GLB1: variants seen among roughly 807,000 people sequenced by gnomAD.
GLB1 encodes galactosidase beta 1, also known as beta-galactosidase.
GLB1 carries 56 observed loss-of-function variants against 74.0 expected under a neutral mutation model. The ratio of observed to expected loss-of-function variants is 0.76; its 90% CI spans 0.61 to 0.94. The LOEUF is 0.94. Among genes scored for constraint, GLB1 ranks in the 40% least tolerant of loss-of-function variants. The pLI, the probability that GLB1 is intolerant of heterozygous loss-of-function variation, is 0.00. For missense variants in GLB1, 787 were observed against 845.5 expected (o/e 0.93, Z 0.86); for synonymous variants, 323 against 323.6 (o/e 1.00, Z 0.02).
intron 14 of GLB1, among the ~76,000 whole-genome samples, chr3:33,015,219 C>T (rs528207585): frequency 5.9e-5 from 9 of 152,060 alleles, no homozygotes; most frequent in South Asian, 2.1e-4. Context: ...CATCCCACTG[C>T]GGATGGAGCA....
At chr3:33,014,645 C>T (rs985047756) in intron 14 of GLB1, among the ~76,000 whole-genome samples, 6 of 152,122 alleles carry the variant, frequency 3.9e-5, no homozygotes, top group African/African-American at 1.4e-4. Context: ...TGGCTGAGAG[C>T]CACTGCTAGA....
chr3:33,082,651 G>A (rs1042281441), intron 1 of GLB1, among the ~76,000 whole-genome samples: 14 of 152,178 alleles, frequency 9.2e-5, no homozygotes, highest in African/African-American at 2.4e-5. Flanking sequence ...TTTGGTTTGC[G>A]ATTAATGTTC....
At chr3:33,051,392 T>G (rs1469512437) in intron 9 of GLB1, among the ~76,000 whole-genome samples, 1 of 146,994 alleles carries the variant, frequency 6.8e-6, no homozygotes, top group Non-Finnish European at 1.5e-5. Flanking sequence ...AGGTCAAGAG[T>G]TCAAGACCAG....
rs370087217 is a variant in GLB1, at chr3:33,094,164, G to A, written c.75+2847C>T. 4.9e-5 allele frequency: 79 copies of A among 1,610,682 alleles called. 1 individual carries two copies. Among genetic ancestry groups the A allele is most frequent in the Non-Finnish European group, 6.1e-5 (72 of 1,177,422 alleles). On this transcript the variant is annotated intron_variant, in intron 1 of 15. Coordinates refer to ENST00000307363, the MANE Select transcript of GLB1 (RefSeq NM_000404.4). ...AGTGACAGCAGCCAGGGTGGCCTTC[G>A]CGCCTAGGGACAGCTGCCTGAAGAT...
chr3:33,019,563 A>G (rs1316937232), intron 12 of GLB1, among the ~76,000 whole-genome samples: 1 of 152,192 alleles, frequency 6.6e-6, no homozygotes, highest in Admixed American at 6.5e-5. Context: ...TGAGGAGAGC[A>G]CTAATCCACC....
At chr3:33,088,208 G>A (rs1700604573) in intron 1 of GLB1, among the ~76,000 whole-genome samples, 1 of 152,124 alleles carries the variant, frequency 6.6e-6, no homozygotes, top group African/African-American at 2.4e-5. Context: ...CAGGAAAAAG[G>A]CAAGATGTCT....
At chr3:33,068,593 G>A (rs1468367188) in intron 3 of GLB1, among the ~76,000 whole-genome samples, 1 of 152,146 alleles carries the variant, frequency 6.6e-6, no homozygotes, top group East Asian at 1.9e-4. Flanking sequence ...GCTTCTTACA[G>A]ATGAGCAAGC....
chr3:33,093,787 C>T lies in GLB1; in HGVS notation c.75+3224G>A, dbSNP rs756608133. ...AAGAGCTGGTAGGCCTGCTCCATGC[C>T]GCTGAGGATGAAGAGGAAGAAGAGC... On this transcript the variant is annotated intron_variant, in intron 1 of 15. Coordinates refer to ENST00000307363, the MANE Select transcript of GLB1 (RefSeq NM_000404.4). The surrounding 1 kb of genome is among the most constrained non-coding windows in gnomAD (Gnocchi z 6.0). 14 of 1,613,312 alleles carry T rather than the reference C, an allele frequency of 8.7e-6. No homozygotes were observed. Among genetic ancestry groups the T allele is most frequent in the Non-Finnish European group, 1.1e-5 (13 of 1,179,658 alleles).
chr3:33,048,049 T>C (rs1233730395), intron 9 of GLB1, among the ~76,000 whole-genome samples: 1 of 152,096 alleles, frequency 6.6e-6, no homozygotes, highest in Non-Finnish European at 1.5e-5. Flanking sequence ...CTGTGCTGTG[T>C]TTCTTATTTG....
intron 10 of GLB1, chr3:33,030,397 C>G (rs1375394905): frequency 1.4e-6 from 1 of 708,712 alleles, no homozygotes; most frequent in Non-Finnish European, 1.7e-6. Context: ...GAGACCAGTA[C>G]TACAAGAGAG....
the GLB1 span, among the ~76,000 whole-genome samples, chr3:32,977,757 G>A: frequency 2.0e-5 from 3 of 152,246 alleles, no homozygotes; most frequent in East Asian, 1.9e-4. Context: ...TAAGCTAAGC[G>A]CCATAGAGAG....
intron 5 of GLB1, among the ~76,000 whole-genome samples, chr3:33,060,973 A>G (rs1202549081): frequency 2.6e-5 from 4 of 152,014 alleles, no homozygotes; most frequent in African/African-American, 9.7e-5. Flanking sequence ...CTATGTTACT[A>G]CCAATTAGGA....
chr3:33,004,942 A>T (rs916309921), intron 15 of GLB1, among the ~76,000 whole-genome samples: 2 of 152,210 alleles, frequency 1.3e-5, no homozygotes, highest in Non-Finnish European at 2.9e-5. Flanking sequence ...CTGTGAGGAC[A>T]ATCCCCAAAA....
intron 1 of GLB1, among the ~76,000 whole-genome samples, chr3:33,087,333 G>C (rs1370456849): frequency 6.6e-6 from 1 of 152,146 alleles, no homozygotes; most frequent in Non-Finnish European, 1.5e-5. Flanking sequence ...ACTTTGGGAG[G>C]GGGAAGCGGC....
At chr3:32,972,820 C>A in the GLB1 span, among the ~76,000 whole-genome samples, 1 of 152,134 alleles carries the variant, frequency 6.6e-6, no homozygotes, top group East Asian at 1.9e-4. Flanking sequence ...AACCCAATTC[C>A]CCCTAAGAAA....
intron 5 of GLB1, 58 bp downstream of exon 5, chr3:33,065,405 T>C: frequency 6.5e-7 from 1 of 1,541,680 alleles, no homozygotes; most frequent in Non-Finnish European, 8.8e-7. Context: ...ATCATTTATG[T>C]AATGTAGATG....
intron 1 of GLB1, among the ~76,000 whole-genome samples, chr3:33,073,268 A>G (rs970342373): frequency 6.6e-6 from 1 of 152,212 alleles, no homozygotes; most frequent in East Asian, 1.9e-4. Flanking sequence ...CTCTTCATCC[A>G]TAACTATCCA....
rs2125585650 is a variant in GLB1 at position 33,093,514 on chromosome 3, T to C, written c.75+3497A>G. On this transcript the variant is annotated intron_variant, in intron 1 of 15. Coordinates refer to ENST00000307363, the MANE Select transcript of GLB1 (RefSeq NM_000404.4). The surrounding 1 kb of genome is among the most constrained non-coding windows in gnomAD (Gnocchi z 6.0). ...AGCACATTCACCATCCTCACAAACA[T>C]TTCCATCTTGGTCCTGCCCACTGTG... 6.2e-7 allele frequency: 1 copy of C among 1,614,202 alleles called. No individual in the cohort carries two copies. Among genetic ancestry groups the C allele is most frequent in the Non-Finnish European group, 8.5e-7 (1 of 1,180,040 alleles).
At chr3:32,972,618 C>T in the GLB1 span, among the ~76,000 whole-genome samples, 7 of 152,160 alleles carry the variant, frequency 4.6e-5, no homozygotes, top group Non-Finnish European at 7.3e-5. Context: ...GACACACTAC[C>T]GTGCAGTTGA....
Sources: gnomAD v4.1 joint callset for allele counts (sites outside exome capture counted in the v4.1 genomes callset) on GRCh38, gnomAD v4.1.1 for gene constraint, Gnocchi (gnomAD v3.1) non-coding constraint, MANE v1.5 for transcripts, NCBI Gene and HGNC (gene_info 2026-07-23, HGNC 2026-07-21) for gene names.